SLC24A2: variants seen among roughly 807,000 people sequenced by gnomAD.
SLC24A2 encodes the protein solute carrier family 24 member 2.
Under a neutral mutation model 62.0 loss-of-function variants are expected in SLC24A2, and 36 were observed. The observed-to-expected ratio is 0.58, with a 90% CI of 0.44 to 0.77. The LOEUF is 0.77. Among genes scored for constraint, SLC24A2 ranks in the 30% least tolerant of loss-of-function variants. The pLI is 0.00. For missense variants in SLC24A2, 846 were observed against 817.9 expected (o/e 1.03, Z -0.42); for synonymous variants, 358 against 294.0 (o/e 1.22, Z -2.23).
chr9:19,725,559 T>C (rs1420899895), intron 2 of SLC24A2, among the ~76,000 whole-genome samples: 2 of 152,196 alleles, frequency 1.3e-5, no homozygotes, highest in Non-Finnish European at 2.9e-5. Flanking sequence ...CTTCGTTATA[T>C]ACAGCACAGC....
chr9:19,572,827 G>A (rs976546255), intron 7 of SLC24A2, among the ~76,000 whole-genome samples: 2 of 152,220 alleles, frequency 1.3e-5, no homozygotes, highest in Non-Finnish European at 2.9e-5. Context: ...GGTTGGGCCA[G>A]AGAGTGTTAA....
the SLC24A2 span, among the ~76,000 whole-genome samples, chr9:20,204,775 G>A: frequency 6.3e-3 from 849 of 135,510 alleles, 2 homozygotes; most frequent in Non-Finnish European, 9.0e-3. Flanking sequence ...ACAGAGTCTC[G>A]TTCTGTCACC....
At chr9:20,086,841 A>T in the SLC24A2 span, among the ~76,000 whole-genome samples, 54 of 152,334 alleles carry the variant, frequency 3.5e-4, 1 homozygote, top group African/African-American at 1.3e-3. Flanking sequence ...GCTGAAGAAG[A>T]CACTCACTGG....
chr9:20,113,552 T>C, the SLC24A2 span, among the ~76,000 whole-genome samples: 1 of 152,226 alleles, frequency 6.6e-6, no homozygotes, highest in East Asian at 1.9e-4. Flanking sequence ...ATGTCCACTT[T>C]TTAAATTTTG....
chr9:20,228,694 G>T, the SLC24A2 span, among the ~76,000 whole-genome samples: 1 of 152,140 alleles, frequency 6.6e-6, no homozygotes, highest in Admixed American at 6.6e-5. Context: ...CAAAGATTGT[G>T]ATGACCCTTA....
At chr9:19,620,805 C>T (rs976124802) in intron 3 of SLC24A2, among the ~76,000 whole-genome samples, 2 of 152,146 alleles carry the variant, frequency 1.3e-5, no homozygotes, top group Non-Finnish European at 2.9e-5. Flanking sequence ...GAACTTTCAG[C>T]GTAAAAGTTT....
chr9:19,911,928 A>T, the SLC24A2 span, among the ~76,000 whole-genome samples: 11 of 152,162 alleles, frequency 7.2e-5, no homozygotes, highest in Non-Finnish European at 1.2e-4. Context: ...TGAGAAACAG[A>T]CCATCAGCAT....
At chr9:20,261,021 A>C in the SLC24A2 span, among the ~76,000 whole-genome samples, 1 of 151,464 alleles carries the variant, frequency 6.6e-6, no homozygotes, top group Non-Finnish European at 1.5e-5. Flanking sequence ...ACACCCGGCT[A>C]ATTTTTGTAT....
the SLC24A2 span, among the ~76,000 whole-genome samples, chr9:20,292,833 T>A: frequency 6.6e-6 from 1 of 152,232 alleles, no homozygotes; most frequent in African/African-American, 2.4e-5. Context: ...CAAGCAATCC[T>A]CCTGCCTTGG....
chr9:19,816,120 G>A, the SLC24A2 span, among the ~76,000 whole-genome samples: 3 of 152,134 alleles, frequency 2.0e-5, no homozygotes, highest in East Asian at 1.9e-4. Flanking sequence ...CTTACTAGGA[G>A]TATTCTGTGC....
chr9:19,805,760 C>CT, the SLC24A2 span, among the ~76,000 whole-genome samples: 225 of 140,470 alleles, frequency 1.6e-3, no homozygotes, highest in East Asian at 3.5e-3. Context: ...GAGCTTGATA[C>CT]TTTTTTTTTT....
At chr9:19,684,745 T>C (rs1819829329) in intron 2 of SLC24A2, among the ~76,000 whole-genome samples, 1 of 151,784 alleles carries the variant, frequency 6.6e-6, no homozygotes, top group Non-Finnish European at 1.5e-5. Flanking sequence ...CAGAGGTGAG[T>C]TCATATCTGG....
intron 2 of SLC24A2, among the ~76,000 whole-genome samples, chr9:19,728,789 G>A (rs895778363): frequency 1.3e-5 from 2 of 152,062 alleles, no homozygotes; most frequent in Admixed American, 6.6e-5. Flanking sequence ...AGGCTAGAAG[G>A]TTTTATTTAC....
chr9:19,714,050 G>A (rs1820789802), intron 2 of SLC24A2, among the ~76,000 whole-genome samples: 1 of 152,188 alleles, frequency 6.6e-6, no homozygotes, highest in South Asian at 2.1e-4. Context: ...CGGGGACTAA[G>A]AACTTCTGGA....
chr9:19,926,305 C>A, the SLC24A2 span: 4 of 152,298 alleles, frequency 2.6e-5, no homozygotes, highest in East Asian at 3.8e-4. Context: ...CTTTTCGCTC[C>A]GCTGTAGTTA....
At chr9:19,767,269 C>T (rs1404646353) in intron 2 of SLC24A2, among the ~76,000 whole-genome samples, 2 of 152,164 alleles carry the variant, frequency 1.3e-5, no homozygotes, top group Admixed American at 6.5e-5. Flanking sequence ...CCACTTGGCT[C>T]CCTGGCTTCA....
intron 2 of SLC24A2, among the ~76,000 whole-genome samples, chr9:19,762,448 C>G (rs1480088866): frequency 6.6e-6 from 1 of 152,118 alleles, no homozygotes; most frequent in African/African-American, 2.4e-5. Context: ...TTAGGTCTTA[C>G]GTTTAAGTCT....
chr9:19,521,857 T>A (rs1423957158), intron 9 of SLC24A2, among the ~76,000 whole-genome samples: 1 of 129,544 alleles, frequency 7.7e-6, no homozygotes, highest in East Asian at 2.5e-4. Flanking sequence ...TGGCTATTAC[T>A]TTTTTTCTTT....
chr9:20,129,042 A>T, the SLC24A2 span, among the ~76,000 whole-genome samples: 1 of 152,240 alleles, frequency 6.6e-6, no homozygotes, highest in South Asian at 2.1e-4. Flanking sequence ...AATATCTCTC[A>T]TAAGAGCCTA....
Sources: allele counts gnomAD v4.1 joint callset (sites outside exome capture counted in the v4.1 genomes callset), GRCh38; gene constraint gnomAD v4.1.1; transcripts MANE v1.5; gene names NCBI Gene and HGNC (gene_info 2026-07-23, HGNC 2026-07-21).